Variants in CCDC7 observed in about 807,000 individuals in gnomAD.
The protein encoded by CCDC7 is coiled-coil domain containing 7.
CCDC7 carries 183 observed loss-of-function variants against 196.9 expected under a neutral mutation model. The observed-to-expected ratio is 0.93, with a 90% CI of 0.82 to 1.05. The LOEUF (loss-of-function observed/expected upper bound fraction) is 1.05. Ranked by LOEUF, CCDC7 falls within the 50% of genes least tolerant of loss-of-function variation. CCDC7 has a pLI of 0.00. For synonymous variants in CCDC7, 525 were observed against 484.6 expected (o/e 1.08, Z -1.10); for missense variants, 1,540 against 1,482.2 (o/e 1.04, Z -0.64).
At chr10:32,867,912 A>G (rs973963604) in intron 41 of CCDC7, among the ~76,000 whole-genome samples, 3 of 151,844 alleles carry the variant, frequency 2.0e-5, no homozygotes, top group Non-Finnish European at 4.4e-5. Flanking sequence ...CCCATTAAAC[A>G]TTAATTCCTT....
chr10:32,589,970 T>C (rs1165164764), intron 18 of CCDC7, among the ~76,000 whole-genome samples: 1 of 152,150 alleles, frequency 6.6e-6, no homozygotes, highest in Non-Finnish European at 1.5e-5. Context: ...GTGTTTATTA[T>C]ACTCAACCAA....
chr10:32,725,781 CATAGAGAGGGCACCA>C, intron 25 of CCDC7, among the ~76,000 whole-genome samples: 1 of 151,930 alleles, frequency 6.6e-6, no homozygotes, highest in Non-Finnish European at 1.5e-5. Context: ...AACTCATTAC[CATAGAGAGGGCACCA>C]AGCCATTCAT....
intron 20 of CCDC7, among the ~76,000 whole-genome samples, chr10:32,647,822 T>C (rs1338475738): frequency 6.6e-6 from 1 of 152,258 alleles, no homozygotes; most frequent in Middle Eastern, 3.2e-3. Context: ...GCAGAAGTTC[T>C]TTAGTTTAAT....
At chr10:32,443,921 G>A (rs1394152138), upstream of CCDC7, among the ~76,000 whole-genome samples, 1 of 151,794 alleles carries the variant, frequency 6.6e-6, no homozygotes, top group African/African-American at 2.4e-5. Flanking sequence ...AGCAATATTG[G>A]GTCTTCTAAT....
chr10:32,746,400 G>T (rs1315442035), intron 28 of CCDC7, among the ~76,000 whole-genome samples: 2 of 152,288 alleles, frequency 1.3e-5, no homozygotes, highest in African/African-American at 4.8e-5. Flanking sequence ...TTTAAGAGGT[G>T]GCAGGGACAG....
chr10:32,829,475 T>C (rs1240810046), intron 32 of CCDC7, among the ~76,000 whole-genome samples: 3 of 152,238 alleles, frequency 2.0e-5, no homozygotes, highest in African/African-American at 4.8e-5. Flanking sequence ...CTTCATTTTA[T>C]TTCCTTTTTC....
intron 11 of CCDC7, among the ~76,000 whole-genome samples, chr10:32,533,581 TG>T (rs1320526388): frequency 6.6e-6 from 1 of 152,064 alleles, no homozygotes; most frequent in Non-Finnish European, 1.5e-5. Flanking sequence ...TTTTATAAGA[TG>T]GGTCTGGTAG....
chr10:32,637,056 G>T (rs561912634), intron 20 of CCDC7, among the ~76,000 whole-genome samples: 1 of 152,078 alleles, frequency 6.6e-6, no homozygotes, highest in African/African-American at 2.4e-5. Flanking sequence ...CATATCTTTC[G>T]CCCACTTTTT....
At chr10:32,739,105 A>G (rs951152984) in intron 28 of CCDC7, among the ~76,000 whole-genome samples, 2 of 152,032 alleles carry the variant, frequency 1.3e-5, no homozygotes, top group Non-Finnish European at 2.9e-5. Context: ...ATAGCATATG[A>G]TTAGGTCTAG....
chr10:32,775,874 A>G (rs1446921489), intron 28 of CCDC7, among the ~76,000 whole-genome samples: 1 of 151,826 alleles, frequency 6.6e-6, no homozygotes, highest in Non-Finnish European at 1.5e-5. Flanking sequence ...AAGACTTGGA[A>G]CCAACCCAAA....
chr10:32,536,474 T>A (rs985104581), intron 11 of CCDC7, among the ~76,000 whole-genome samples: 1 of 152,166 alleles, frequency 6.6e-6, no homozygotes, highest in Non-Finnish European at 1.5e-5. Flanking sequence ...TGCTAGCACT[T>A]GAATATACCT....
At chr10:32,797,082 A>C (rs1468530676) in intron 29 of CCDC7, among the ~76,000 whole-genome samples, 1 of 152,058 alleles carries the variant, frequency 6.6e-6, no homozygotes, top group Admixed American at 6.6e-5. Context: ...GTTTATAAGC[A>C]GCATAATTCA....
At chr10:32,538,014 T>C (rs2050797539) in intron 11 of CCDC7, among the ~76,000 whole-genome samples, 2 of 152,240 alleles carry the variant, frequency 1.3e-5, no homozygotes, top group South Asian at 4.1e-4. Flanking sequence ...AATAGTTTTT[T>C]CTATTTCTGT....
chr10:32,655,928 C>T (rs1397748186), intron 20 of CCDC7, among the ~76,000 whole-genome samples: 2 of 152,110 alleles, frequency 1.3e-5, no homozygotes, highest in Non-Finnish European at 2.9e-5. Context: ...GAATTGATTG[C>T]ATTCCTTACG....
At chr10:32,577,164 C>G (rs1347929208) in intron 16 of CCDC7, among the ~76,000 whole-genome samples, 1 of 151,972 alleles carries the variant, frequency 6.6e-6, no homozygotes, top group Non-Finnish European at 1.5e-5. Flanking sequence ...GAGTTCAAGA[C>G]CAGCCTGGCC....
chr10:32,704,573 C>T (rs928260201), intron 24 of CCDC7, among the ~76,000 whole-genome samples: 2 of 152,146 alleles, frequency 1.3e-5, no homozygotes, highest in Non-Finnish European at 2.9e-5. Context: ...GAGGTTTCTA[C>T]TGCCTTTTGT....
intron 9 of CCDC7, chr10:32,514,251 G>A (rs994228737): frequency 6.6e-6 from 1 of 152,152 alleles, no homozygotes; most frequent in African/African-American, 2.4e-5. Flanking sequence ...CTACCTCAGG[G>A]TGACCTTATT....
rs2133961340 is a variant in CCDC7 at position 32,473,909 on chromosome 10, A to G, written c.740-58A>G. The G allele has an allele frequency of 5.4e-6, 8 of 1,475,280 alleles. No homozygotes were observed. The African/African-American group carries it at 8.6e-5, about 16-fold the overall frequency. 91.4% of individuals were successfully genotyped at this position (1,475,280 alleles called of 1,614,324 possible). A position where few individuals can be genotyped will look rare whatever the true frequency, so the allele number is the denominator to read the frequency against. ...AATTAAAACAATAAAATTTAAACTC[A>G]ATTAGTATATATAATTGCCGTTTGA... On this transcript the variant is annotated intron_variant, in intron 7 of 41. Coordinates refer to ENST00000639629, the Ensembl canonical transcript of CCDC7.
At chr10:32,789,520 C>G (rs542599802) in intron 29 of CCDC7, among the ~76,000 whole-genome samples, 1 of 148,146 alleles carries the variant, frequency 6.8e-6, no homozygotes, top group Non-Finnish European at 1.5e-5. Flanking sequence ...GAACACAGAT[C>G]ATTTGAAATT....
Sources: gnomAD v4.1 joint callset for allele counts (sites outside exome capture counted in the v4.1 genomes callset) on GRCh38, gnomAD v4.1.1 for gene constraint, MANE v1.5 for transcripts, NCBI Gene and HGNC (gene_info 2026-07-23, HGNC 2026-07-21) for gene names.